Variants in FOXP4 observed in about 807,000 individuals in gnomAD.
FOXP4 encodes the protein forkhead box P4.
A neutral mutation model predicts 82.6 loss-of-function variants in FOXP4; 25 were observed. The ratio of observed to expected loss-of-function variants is 0.30; its 90% CI spans 0.22 to 0.42. The LOEUF is 0.42. Among genes scored for constraint, FOXP4 ranks in the 10% least tolerant of loss-of-function variants. The pLI is 1.00. For synonymous variants in FOXP4, 415 were observed against 388.2 expected, an observed-to-expected ratio of 1.07 and a Z score of -0.81; for missense variants, 785 against 900.9, an observed-to-expected ratio of 0.87 and a Z score of 1.65.
chr6:41,583,582 AGT>A (rs993444480), intron 3 of FOXP4, among the ~76,000 whole-genome samples: 2 of 152,184 alleles, frequency 1.3e-5, no homozygotes, highest in African/African-American at 2.4e-5. Flanking sequence ...GCTAACACTT[AGT>A]GTACCTACCA....
intron 1 of FOXP4, among the ~76,000 whole-genome samples, chr6:41,563,484 CGTGTGGTTATAGG>C (rs1764703987): frequency 6.6e-6 from 1 of 152,082 alleles, no homozygotes; most frequent in Non-Finnish European, 1.5e-5. Flanking sequence ...TCAGGGAGAC[CGTGTGGTTATAGG>C]GTGTGCCTAG....
In FOXP4 at chr6:41,558,292, A is replaced by G. The variant is rs889436909; in HGVS notation, c.-16-7453A>G. ...TCACCCACCTCTGGCTTCAGGACCTATTCTGGAGCTATAGCCACATTTTAA... is the reference window on the plus strand; with the variant it reads ...TCACCCACCTCTGGCTTCAGGACCTGTTCTGGAGCTATAGCCACATTTTAA... On this transcript the variant is annotated intron_variant, in intron 1 of 16. Transcript: ENST00000307972. The surrounding 1 kb of genome is among the most constrained non-coding windows in gnomAD (Gnocchi z 4.0). Among the ~76,000 whole-genome samples, 5 of 152,172 alleles carry G rather than the reference A, an allele frequency of 3.3e-5. No individual in the cohort carries two copies. Among genetic ancestry groups the G allele is most frequent in the African/African-American group, 1.2e-4 (5 of 41,438 alleles).
chr6:41,587,105 G>T lies in FOXP4; in HGVS notation c.607G>T (p.Val203Phe). ...HLLNLQRQGL[V>F]SLQPNQASGP... ...GCTCAACCTGCAGAGGCAGGGGCTG[G>T]TCAGCCTGCAGCCCAACCAAGCCTC... The change falls in exon 6 of 17, where the codon GTC becomes TTC. Residue 203 changes from valine to phenylalanine, a missense_variant. By Grantham distance (50) the Val-to-Phe change is conservative (BLOSUM62 -1). Transcript: ENST00000307972. 1.2e-6 allele frequency: 2 copies of T among 1,609,110 alleles called. No individual in the cohort carries two copies. Among genetic ancestry groups the T allele is most frequent in the Non-Finnish European group, 1.7e-6 (2 of 1,177,256 alleles).
chr6:41,585,446 A>AAGAAGCAGC lies in FOXP4; in HGVS notation c.442_450dup (p.Lys148_Gln150dup), dbSNP rs776142547. 25 of 1,613,798 alleles carry AAGAAGCAGC rather than the reference A, an allele frequency of 1.5e-5. No homozygotes were observed. The highest frequency in any genetic ancestry group is 1.9e-5 in the Non-Finnish European group (22 of 1,179,864). ...ACCCCCCCAGCTACAGGAGTACTAC[A>AAGAAGCAGC]AGAAGCAGCAGGAGCAGCTCCACCT... On this transcript the variant is annotated inframe_insertion, in exon 5 of 17. Transcript: ENST00000307972.
chr6:41,555,638 G>C (rs1764232451), intron 1 of FOXP4, among the ~76,000 whole-genome samples: 1 of 152,198 alleles, frequency 6.6e-6, no homozygotes, highest in African/African-American at 2.4e-5. Flanking sequence ...TTAACCAGCA[G>C]GCCCCCCACA....
chr6:41,589,665 G>A (rs576028079), intron 9 of FOXP4, 106 bp from the exon 10 acceptor site: 16 of 1,137,432 alleles, frequency 1.4e-5, no homozygotes, highest in Non-Finnish European at 1.8e-5. Context: ...GGCGAATGGG[G>A]GTGGGAATCG....
rs767037681 is a variant in FOXP4 at position 41,590,178 on chromosome 6, T to G, written c.1357+8T>G. ...GCTCCCCCATCTCCTCAGGTGAGGG[T>G]GGGCTGGGGGCTGCAGGGCGACAGC... is the stretch of plus-strand genomic sequence containing the variant. On this transcript the variant is annotated splice_region_variant and intron_variant, in intron 11 of 16. Coordinates refer to ENST00000307972, the MANE Select transcript of FOXP4 (RefSeq NM_001012426.2). 3 of 1,604,402 alleles carry G rather than the reference T, an allele frequency of 1.9e-6. No homozygotes were observed. The Admixed American group carries it at 5.0e-5, about 27-fold the overall frequency.
rs151105576 is a variant in FOXP4, at chr6:41,569,159, A to G, written c.204+3195A>G. On this transcript the variant is annotated intron_variant, in intron 2 of 16. Transcript: ENST00000307972. ...CACCAAGTCTGCAGTCTTATGCCCT[A>G]TGGGGAATCTGTCTACCCTGAGGAG... Among the ~76,000 whole-genome samples, 792 of 152,262 alleles carry G rather than the reference A, an allele frequency of 5.2e-3. 3 individuals are homozygous for G. The highest frequency in any genetic ancestry group is 8.5e-3 in the Non-Finnish European group (576 of 68,002).
At chr6:41,598,758 G>A (rs928824923) in intron 16 of FOXP4, 31 bp from the exon 17 acceptor site, 20 of 1,549,694 alleles carry the variant, frequency 1.3e-5, no homozygotes, top group African/African-American at 2.7e-5. Flanking sequence ...GAGGACAGCC[G>A]CCTGGTGCCC....
chr6:41,547,055 A>G (rs1763670424), intron 1 of FOXP4, among the ~76,000 whole-genome samples, 188 bp downstream of exon 1: 1 of 151,418 alleles, frequency 6.6e-6, no homozygotes, highest in South Asian at 2.1e-4. Flanking sequence ...TGTTCCAGCC[A>G]GGGCCGGCCG....
At chr6:41,560,830 GTAAT>G (rs1179909916) in intron 1 of FOXP4, among the ~76,000 whole-genome samples, 1 of 152,238 alleles carries the variant, frequency 6.6e-6, no homozygotes, top group Non-Finnish European at 1.5e-5. Context: ...AAAAGCGACG[GTAAT>G]TAATACTCGC....
At chr6:41,589,214 A>G (rs1022032896) in intron 9 of FOXP4, among the ~76,000 whole-genome samples, 2 of 152,222 alleles carry the variant, frequency 1.3e-5, no homozygotes, top group Admixed American at 6.5e-5. Flanking sequence ...TATCCCAGCT[A>G]CTTGAGAGGG....
At position 41,600,229 on chromosome 6, in the gene FOXP4, C is replaced by CT. The variant is rs1767143492; in HGVS notation, c.*1294dup. On this transcript the variant is annotated 3_prime_UTR_variant, in exon 17 of 17. Coordinates refer to ENST00000307972, the MANE Select transcript of FOXP4 (RefSeq NM_001012426.2). Reference sequence around the variant, plus strand: ...AGGAGAAAGGAGGGGAGAAAGCGGGCTCTCACCCCCTCAGGAGTGGGCACG... The same window carrying CT: ...AGGAGAAAGGAGGGGAGAAAGCGGGCTTCTCACCCCCTCAGGAGTGGGCACG... 1 of 152,642 alleles carries CT rather than the reference C, an allele frequency of 6.6e-6. No homozygotes were observed. The highest frequency in any genetic ancestry group is 2.1e-4 in the South Asian group (1 of 4,830). 9.5% of individuals were successfully genotyped at this position (152,642 alleles called of 1,614,324 possible). A position where few individuals can be genotyped will look rare whatever the true frequency, so the allele number is the denominator to read the frequency against.
chr6:41,595,175 A>T (rs1050727466), intron 14 of FOXP4, among the ~76,000 whole-genome samples, 184 bp downstream of exon 14: 1 of 152,192 alleles, frequency 6.6e-6, no homozygotes, highest in Non-Finnish European at 1.5e-5. Context: ...TCCGGAAGTG[A>T]TGGATAATCA....
chr6:41,585,599 C>T lies in FOXP4; in HGVS notation c.510+82C>T, dbSNP rs959064398. The T allele has an allele frequency of 3.9e-6, 5 of 1,289,774 alleles. No homozygotes were observed. In the African/African-American group the frequency reaches 7.5e-5, roughly 19 times the overall value. 79.9% of individuals were successfully genotyped at this position (1,289,774 alleles called of 1,614,324 possible). On this transcript the variant is annotated intron_variant, in intron 5 of 16. Coordinates refer to ENST00000307972, the MANE Select transcript of FOXP4 (RefSeq NM_001012426.2). ...TCCAGAGCTGGTCAGGAGGGAATTGCCTTGCAGGAATAGTAGAAAAATCTA... is the reference window on the plus strand; with the variant it reads ...TCCAGAGCTGGTCAGGAGGGAATTGTCTTGCAGGAATAGTAGAAAAATCTA...
At chr6:41,585,708 C>T (rs1005599543) in intron 5 of FOXP4, among the ~76,000 whole-genome samples, 191 bp downstream of exon 5, 5 of 152,056 alleles carry the variant, frequency 3.3e-5, no homozygotes, top group African/African-American at 1.2e-4. Context: ...CCCCTCATCC[C>T]CATTCATTCT....
chr6:41,573,851 A>G (rs1765332059), intron 2 of FOXP4, among the ~76,000 whole-genome samples: 1 of 152,202 alleles, frequency 6.6e-6, no homozygotes. Flanking sequence ...CTTGACGTCC[A>G]TGCATGAATG....
rs1767064710 is a variant in FOXP4 at position 41,599,052 on chromosome 6, CG to C, written c.*120del. On this transcript the variant is annotated 3_prime_UTR_variant, in exon 17 of 17. Coordinates refer to ENST00000307972, the MANE Select transcript of FOXP4 (RefSeq NM_001012426.2). ...CTCAAGGCAAGTCCAGGACTCAGAC[CG>C]GGGAGGCCCGGGCCAGCAGCTCCCA... 2 of 1,356,316 alleles carry C rather than the reference CG, an allele frequency of 1.5e-6. No homozygotes were observed. The highest frequency in any genetic ancestry group is 2.0e-6 in the Non-Finnish European group (2 of 1,017,352). The allele number at this position is 1,356,316 out of a possible 1,614,324, so 84.0% of individuals were successfully genotyped here. A position where few individuals can be genotyped will look rare whatever the true frequency, so the allele number is the denominator to read the frequency against.
At chr6:41,555,039 C>G (rs913987414) in intron 1 of FOXP4, among the ~76,000 whole-genome samples, 5 of 152,012 alleles carry the variant, frequency 3.3e-5, no homozygotes, top group African/African-American at 1.2e-4. Context: ...ATCAGTTGAG[C>G]TCAGTTTGAG....
Sources: allele counts gnomAD v4.1 joint callset (sites outside exome capture counted in the v4.1 genomes callset), GRCh38; gene constraint gnomAD v4.1.1; non-coding constraint Gnocchi (gnomAD v3.1); transcripts MANE v1.5; gene names NCBI Gene and HGNC (gene_info 2026-07-23, HGNC 2026-07-21).